RHOJ: variants seen among roughly 807,000 people sequenced by gnomAD.
RHOJ encodes rho-related GTP-binding protein RhoJ.
In RHOJ, 11 loss-of-function variants were observed where a neutral mutation model predicts 23.4. That is an observed-to-expected ratio of 0.47 (90% CI 0.30 to 0.78). The LOEUF is 0.78. Ranked by LOEUF, RHOJ falls within the 30% of genes least tolerant of loss-of-function variation. The probability of loss-of-function intolerance (pLI) is 0.08; values close to 1 mark genes in which losing one functional copy is unlikely to be tolerated. For synonymous variants in RHOJ, 102 were observed against 102.7 expected (o/e 0.99, Z 0.04); for missense variants, 254 against 273.4 (o/e 0.93, Z 0.50).
rs115083459 is a variant in RHOJ at position 63,238,112 on chromosome 14, C to A, written c.179-30998C>A. ...AAATCTTTCACATACGGAAAAAAAT[C>A]TTTCTTGATAATTCGTGACAGATGA... On this transcript the variant is annotated intron_variant, in intron 1 of 4. Transcript: ENST00000316754. Among the ~76,000 whole-genome samples, 552 of 152,312 alleles carry A rather than the reference C, an allele frequency of 3.6e-3. 1 individual carries two copies. The highest frequency in any genetic ancestry group is 0.013 in the African/African-American group (521 of 41,572).
In RHOJ at chr14:63,204,913, G is replaced by C; in HGVS notation, c.44G>C (p.Gly15Ala). The C allele has an allele frequency of 6.2e-7, 1 of 1,614,132 alleles. No homozygotes were observed. Among genetic ancestry groups the C allele is most frequent in the Non-Finnish European group, 8.5e-7 (1 of 1,179,996 alleles). Reference protein sequence around the residue: ...EGTDSSCGCRGNDEKKMLKCV... With the variant: ...EGTDSSCGCRANDEKKMLKCV... ...ACTGACAGCAGCTGCGGCTGCAGGGGCAACGACGAGAAGAAGATGTTGAAG... is the reference window on the plus strand; with the variant it reads ...ACTGACAGCAGCTGCGGCTGCAGGGCCAACGACGAGAAGAAGATGTTGAAG... The change falls in exon 1 of 5, where the codon GGC becomes GCC. Residue 15 changes from glycine (G) to alanine (A), a missense_variant. Physicochemically the swap from Gly to Ala is moderately conservative, Grantham distance 60. Coordinates refer to ENST00000316754, the MANE Select transcript of RHOJ (RefSeq NM_020663.5).
chr14:63,254,191 T>C (rs907961503), intron 1 of RHOJ, among the ~76,000 whole-genome samples: 2 of 152,156 alleles, frequency 1.3e-5, no homozygotes, highest in African/African-American at 4.8e-5. Context: ...CTGTCTATCT[T>C]GGAGTGAGCC....
intron 1 of RHOJ, among the ~76,000 whole-genome samples, chr14:63,208,224 A>G (rs544209194): frequency 6.6e-6 from 1 of 152,336 alleles, no homozygotes; most frequent in South Asian, 2.1e-4. Context: ...GCTACAAAAA[A>G]CAATTTTTAA....
At chr14:63,270,078 T>C (rs1401949774) in intron 2 of RHOJ, among the ~76,000 whole-genome samples, 2 of 152,052 alleles carry the variant, frequency 1.3e-5, no homozygotes, top group Admixed American at 1.3e-4. Flanking sequence ...AATTCATACA[T>C]CTTAAATTCT....
intron 4 of RHOJ, among the ~76,000 whole-genome samples, chr14:63,283,519 A>C (rs1171087689): frequency 6.6e-6 from 1 of 152,220 alleles, no homozygotes; most frequent in Non-Finnish European, 1.5e-5. Flanking sequence ...TTTAGTATGA[A>C]TATAGGGAGT....
chr14:63,235,379 A>C (rs1028514197), intron 1 of RHOJ, among the ~76,000 whole-genome samples: 11 of 152,226 alleles, frequency 7.2e-5, no homozygotes, highest in African/African-American at 2.7e-4. Flanking sequence ...TTTAGATTAC[A>C]TTAAGAAATT....
intron 1 of RHOJ, among the ~76,000 whole-genome samples, chr14:63,255,148 C>T (rs1231886376): frequency 6.6e-6 from 1 of 152,088 alleles, no homozygotes. Flanking sequence ...GTCCCTTCTA[C>T]GCCTCAAATC....
At chr14:63,246,467 G>A (rs984754775) in intron 1 of RHOJ, among the ~76,000 whole-genome samples, 2 of 152,132 alleles carry the variant, frequency 1.3e-5, no homozygotes, top group Non-Finnish European at 2.9e-5. Context: ...TCTATTCTCA[G>A]CTCCAACTCT....
At chr14:63,227,887 G>T (rs1194109140) in intron 1 of RHOJ, among the ~76,000 whole-genome samples, 1 of 152,142 alleles carries the variant, frequency 6.6e-6, no homozygotes, top group Admixed American at 6.5e-5. Context: ...ACCTTCCAAG[G>T]TTCTGGAATG....
chr14:63,240,002 A>G (rs1008125766), intron 1 of RHOJ, among the ~76,000 whole-genome samples: 10 of 152,200 alleles, frequency 6.6e-5, no homozygotes, highest in African/African-American at 2.2e-4. Flanking sequence ...CCTGACTTGC[A>G]TTTCCTTTAT....
In RHOJ at chr14:63,291,663, G is replaced by A. The variant is rs531594239; in HGVS notation, c.*639G>A. 1 of 155,798 alleles carries A rather than the reference G, an allele frequency of 6.4e-6. No individual in the cohort carries two copies. Among genetic ancestry groups the A allele is most frequent in the African/African-American group, 2.4e-5 (1 of 41,578 alleles). 9.7% of individuals were successfully genotyped at this position (155,798 alleles called of 1,614,324 possible). The stretch of plus-strand genomic sequence containing the variant: ...TGAATGCCCGATTATAAGAAGACAT[G>A]AGAAGACTTTAAAAGTTTTGGAAAT... On this transcript the variant is annotated 3_prime_UTR_variant, in exon 5 of 5. Transcript: ENST00000316754.
At chr14:63,271,427 C>T (rs1178432504) in intron 2 of RHOJ, among the ~76,000 whole-genome samples, 6 of 152,280 alleles carry the variant, frequency 3.9e-5, no homozygotes, top group South Asian at 4.1e-4. Context: ...TGTTACACTA[C>T]AGGATAACTT....
intron 2 of RHOJ, among the ~76,000 whole-genome samples, chr14:63,269,497 A>T (rs1360769456): frequency 6.6e-6 from 1 of 152,190 alleles, no homozygotes; most frequent in Non-Finnish European, 1.5e-5. Flanking sequence ...TTCATAGGTC[A>T]GTTTCATAAA....
intron 1 of RHOJ, among the ~76,000 whole-genome samples, chr14:63,250,893 G>A (rs1895059135): frequency 6.6e-6 from 1 of 152,016 alleles, no homozygotes; most frequent in Non-Finnish European, 1.5e-5. Context: ...AAATTAGCTG[G>A]GCGTGATGGC....
intron 1 of RHOJ, among the ~76,000 whole-genome samples, chr14:63,249,171 C>G (rs1895026163): frequency 6.6e-6 from 1 of 152,234 alleles, no homozygotes; most frequent in South Asian, 2.1e-4. Context: ...CTGGAAGGAA[C>G]AAGACATGTC....
intron 1 of RHOJ, among the ~76,000 whole-genome samples, chr14:63,250,272 C>T (rs1347285572): frequency 1.3e-5 from 2 of 152,184 alleles, no homozygotes; most frequent in East Asian, 1.9e-4. Context: ...TGAGACAGGG[C>T]CTCACTCTGT....
At chr14:63,208,173 AT>A (rs1894155514) in intron 1 of RHOJ, among the ~76,000 whole-genome samples, 1 of 152,020 alleles carries the variant, frequency 6.6e-6, no homozygotes, top group Non-Finnish European at 1.5e-5. Context: ...ACGCAAAATT[AT>A]TTTGAATGAG....
chr14:63,231,975 G>T (rs1894703728), intron 1 of RHOJ, among the ~76,000 whole-genome samples: 1 of 152,340 alleles, frequency 6.6e-6, no homozygotes, highest in African/African-American at 2.4e-5. Flanking sequence ...ACACTGAAAT[G>T]AGGTGGGAAG....
In RHOJ at chr14:63,204,718, T is replaced by G; in HGVS notation, c.-152T>G. 1 of 703,574 alleles carries G rather than the reference T, an allele frequency of 1.4e-6. No homozygotes were observed. Among genetic ancestry groups the G allele is most frequent in the Non-Finnish European group, 2.4e-6 (1 of 413,934 alleles). The allele number at this position is 703,574 out of a possible 1,614,324, so 43.6% of individuals were successfully genotyped here. A position where few individuals can be genotyped will look rare whatever the true frequency, so the allele number is the denominator to read the frequency against. ...CCAGCATGGTAAGCAACAGGACATA[T>G]CCCAGCCTCGGACATGTCTGTATGA... On this transcript the variant is annotated 5_prime_UTR_variant, in exon 1 of 5. The change creates a premature stop within an existing upstream ORF in the 5' untranslated region. Transcript: ENST00000316754.
Sources: allele counts gnomAD v4.1 joint callset (sites outside exome capture counted in the v4.1 genomes callset), GRCh38; gene constraint gnomAD v4.1.1; transcripts MANE v1.5; gene names NCBI Gene and HGNC (gene_info 2026-07-23, HGNC 2026-07-21).